Variants in ANP32A observed in about 807,000 individuals in gnomAD.
The protein encoded by ANP32A is acidic leucine-rich nuclear phosphoprotein 32 family member A.
ANP32A carries 1 observed loss-of-function variant against 33.9 expected under a neutral mutation model. The observed-to-expected ratio is 0.03, with a 90% CI of 0.01 to 0.14. The LOEUF (loss-of-function observed/expected upper bound fraction) is 0.14. Among genes scored for constraint, ANP32A ranks in the 10% least tolerant of loss-of-function variants. The pLI is 1.00. For synonymous variants in ANP32A, 115 were observed against 120.5 expected, an observed-to-expected ratio of 0.95 and a Z score of 0.30; for missense variants, 155 against 306.0, an observed-to-expected ratio of 0.51 and a Z score of 3.68.
intron 1 of ANP32A, chr15:68,791,994 G>A (rs1894003564): frequency 6.6e-6 from 1 of 152,642 alleles, no homozygotes. Flanking sequence ...CACTTTCCTA[G>A]TGCTCTAGTT....
intron 1 of ANP32A, among the ~76,000 whole-genome samples, chr15:68,797,940 G>A (rs1435613436): frequency 1.3e-5 from 2 of 151,908 alleles, no homozygotes; most frequent in Non-Finnish European, 2.9e-5. Flanking sequence ...GAGGGGTGGG[G>A]TGTGGGTGGG....
chr15:68,808,400 G>A (rs1894267403), intron 1 of ANP32A, among the ~76,000 whole-genome samples: 1 of 152,170 alleles, frequency 6.6e-6, no homozygotes, highest in Non-Finnish European at 1.5e-5. Context: ...CATCACTCCA[G>A]CTCCACCACA....
chr15:68,816,991 G>A (rs1045536042), intron 1 of ANP32A, among the ~76,000 whole-genome samples: 74 of 152,222 alleles, frequency 4.9e-4, no homozygotes, highest in African/African-American at 1.7e-3. Flanking sequence ...ATCATGCGAT[G>A]TATTCCAAAG....
chr15:68,807,623 G>T (rs1894253292), intron 1 of ANP32A, among the ~76,000 whole-genome samples: 1 of 151,990 alleles, frequency 6.6e-6, no homozygotes, highest in Non-Finnish European at 1.5e-5. Context: ...TTCAAGCCCT[G>T]ACGGGTAGAA....
At chr15:68,815,419 G>GT (rs1355213013) in intron 1 of ANP32A, among the ~76,000 whole-genome samples, 3 of 148,592 alleles carry the variant, frequency 2.0e-5, no homozygotes, top group Non-Finnish European at 4.4e-5. Flanking sequence ...TTTTTTTTTT[G>GT]TAACGAGATC....
intron 1 of ANP32A, among the ~76,000 whole-genome samples, chr15:68,802,412 A>C (rs1011610845): frequency 1.3e-5 from 2 of 152,200 alleles, no homozygotes; most frequent in African/African-American, 4.8e-5. Context: ...TTTGTGTAAG[A>C]GTACATAAAA....
intron 1 of ANP32A, among the ~76,000 whole-genome samples, chr15:68,813,780 A>G (rs1894342426): frequency 6.6e-6 from 1 of 152,154 alleles, no homozygotes; most frequent in South Asian, 2.1e-4. Context: ...CCAATCACCA[A>G]CAAGCTCCCG....
chr15:68,806,303 C>T (rs1894222687), intron 1 of ANP32A, among the ~76,000 whole-genome samples: 1 of 152,202 alleles, frequency 6.6e-6, no homozygotes, highest in Non-Finnish European at 1.5e-5. Context: ...ACTGGTCAAT[C>T]TCAGAGGCAC....
In ANP32A at chr15:68,784,503, C is replaced by T. The variant is rs765119486; in HGVS notation, c.420G>A (p.Pro140=). The change falls in exon 4 of 7, where the codon CCG becomes CCA. Residue 140 remains proline (P), a synonymous_variant. Transcript: ENST00000465139. ...CATAGCCGTCGAGATATGTGAGTTG[C>T]GGGAGGAGCTTGAACACATTTTCTC... ...DYRENVFKLL[P]QLTYLDGYDR... 40 of 1,614,000 alleles carry T rather than the reference C, an allele frequency of 2.5e-5. No homozygotes were observed. The highest frequency in any genetic ancestry group is 4.5e-5 in the East Asian group (2 of 44,892).
chr15:68,785,998 C>T (rs912283110), intron 3 of ANP32A, among the ~76,000 whole-genome samples: 1 of 152,182 alleles, frequency 6.6e-6, no homozygotes. Flanking sequence ...GGCCCCAATG[C>T]CATCGATGGA....
rs1018607883 is a variant in ANP32A, at chr15:68,820,861, C to G, written c.-110G>C. On this transcript the variant is annotated 5_prime_UTR_variant, in exon 1 of 7. Transcript: ENST00000465139. ...CTTTGAAGGCTCAACCAGCTCCGCTCGGTTCTCGAGCCCCCAGCACCCGCG... is the reference window on the plus strand; with the variant it reads ...CTTTGAAGGCTCAACCAGCTCCGCTGGGTTCTCGAGCCCCCAGCACCCGCG... The G allele has an allele frequency of 6.0e-6, 8 of 1,341,884 alleles. No individual in the cohort carries two copies. The Admixed American group carries it at 7.4e-5, about 12-fold the overall frequency. The allele number at this position is 1,341,884 out of a possible 1,614,324, so 83.1% of individuals were successfully genotyped here.
intron 1 of ANP32A, among the ~76,000 whole-genome samples, chr15:68,808,653 A>AT (rs1567039446): frequency 6.6e-6 from 1 of 152,212 alleles, no homozygotes; most frequent in Non-Finnish European, 1.5e-5. Flanking sequence ...AGTTGGTTAC[A>AT]TAAATTGAAG....
intron 1 of ANP32A, among the ~76,000 whole-genome samples, chr15:68,793,646 C>T (rs1329787365): frequency 6.6e-6 from 1 of 152,122 alleles, no homozygotes; most frequent in Admixed American, 6.5e-5. Flanking sequence ...AATGCCTCTA[C>T]CAGATAGAAC....
intron 1 of ANP32A, among the ~76,000 whole-genome samples, chr15:68,811,893 C>T (rs1894317300): frequency 9.8e-6 from 1 of 101,756 alleles, no homozygotes; most frequent in Non-Finnish European, 2.1e-5. Context: ...CCTGCCACGA[C>T]ACCCGGCTGA....
intron 1 of ANP32A, among the ~76,000 whole-genome samples, chr15:68,794,485 CA>C (rs1176227950): frequency 6.6e-6 from 1 of 152,208 alleles, no homozygotes; most frequent in African/African-American, 2.4e-5. Flanking sequence ...ATTTGGTTTT[CA>C]GGTTCCAGTC....
At chr15:68,816,385 C>T (rs1894382205) in intron 1 of ANP32A, among the ~76,000 whole-genome samples, 1 of 152,090 alleles carries the variant, frequency 6.6e-6, no homozygotes, top group African/African-American at 2.4e-5. Context: ...TTTCCATATG[C>T]ACAATGACGA....
intron 5 of ANP32A, chr15:68,782,670 G>T (rs796374143): frequency 1.2e-4 from 54 of 446,176 alleles, no homozygotes; most frequent in African/African-American, 8.4e-4. Context: ...CATGCATTCT[G>T]TACTTCTTCA....
chr15:68,784,581 G>T lies in ANP32A; in HGVS notation c.342C>A (p.Asn114Lys). 1 of 1,614,098 alleles carries T rather than the reference G, an allele frequency of 6.2e-7. No homozygotes were observed. The highest frequency in any genetic ancestry group is 8.5e-7 in the Non-Finnish European group (1 of 1,180,018). The change falls in exon 4 of 7, where the codon AAC becomes AAA. Residue 114 changes from asparagine (N) to lysine (K), a missense_variant. Physicochemically the swap from Asn to Lys is moderately conservative, Grantham distance 94 (BLOSUM62 0). This residue lies in a region of ANP32A where 85 missense variants were observed against 183.8 expected (regional missense o/e 0.46). Coordinates refer to ENST00000465139, the MANE Select transcript of ANP32A (RefSeq NM_006305.4). ...STIEPLKKLE[N>K]LKSLDLFNCE... is the part of the protein sequence containing the mutation. The stretch of plus-strand genomic sequence containing the variant: ...AATTGAAAAGGTCTAAGCTCTTGAG[G>T]TTTTCTAACTTTTTCTGCAAGCGGA...
chr15:68,782,877 C>T, intron 5 of ANP32A, 79 bp downstream of exon 5: 1 of 1,538,626 alleles, frequency 6.5e-7, no homozygotes, highest in Non-Finnish European at 8.8e-7. Context: ...TCCGGGGCTG[C>T]CAAGACTGAT....
Sources: allele counts gnomAD v4.1 joint callset (sites outside exome capture counted in the v4.1 genomes callset), GRCh38; gene constraint gnomAD v4.1.1; regional missense constraint gnomAD v4.1.1; transcripts MANE v1.5; gene names NCBI Gene and HGNC (gene_info 2026-07-23, HGNC 2026-07-21).